The following ALS2 variants were observed in gnomAD, a reference collection of about 807,000 sequenced individuals.
ALS2 encodes the protein alsin Rho guanine nucleotide exchange factor ALS2, also known as alsin.
ALS2 carries 117 observed loss-of-function variants against 203.4 expected under a neutral mutation model. The observed-to-expected ratio is 0.58, with a 90% confidence interval of 0.50 to 0.67. The LOEUF (loss-of-function observed/expected upper bound fraction) is 0.67. Among genes scored for constraint, ALS2 ranks in the 30% least tolerant of loss-of-function variants. The pLI, the probability that ALS2 is intolerant of heterozygous loss-of-function variation, is 0.00. For missense variants in ALS2, 1,715 were observed against 1,989.4 expected (o/e 0.86, Z 2.62); for synonymous variants, 718 against 725.9 (o/e 0.99, Z 0.17).
intron 8 of ALS2, among the ~76,000 whole-genome samples, chr2:201,747,977 G>A (rs571386275): frequency 5.9e-5 from 9 of 152,220 alleles, no homozygotes; most frequent in African/African-American, 1.7e-4. Flanking sequence ...ATTTCATTTG[G>A]AGAAAGTGTG....
At chr2:201,742,081 G>A (rs141156833) in intron 10 of ALS2, among the ~76,000 whole-genome samples, 2 of 152,040 alleles carry the variant, frequency 1.3e-5, no homozygotes, top group African/African-American at 4.8e-5. Flanking sequence ...TAGATTCCAG[G>A]ATGGCTTTTT....
rs150537603 is a variant in ALS2, at chr2:201,724,073, G to C, written c.3512+222C>G. Among the ~76,000 whole-genome samples the C allele has an allele frequency of 2.4e-4, 37 of 152,106 alleles. No homozygotes were observed. In the East Asian group the frequency reaches 6.4e-3, roughly 26 times the overall value. On this transcript the variant is annotated intron_variant, in intron 21 of 33. Coordinates refer to ENST00000264276, the MANE Select transcript of ALS2 (RefSeq NM_020919.4). ...GCAGAGATTGCAGTGAGCTGAGATC[G>C]CACCACTCCAGCCTGGGTGACAGAG... is the stretch of plus-strand genomic sequence containing the variant.
chr2:201,742,630 G>C (rs1209221818), intron 10 of ALS2, among the ~76,000 whole-genome samples: 1 of 152,116 alleles, frequency 6.6e-6, no homozygotes. Flanking sequence ...CCTAGAGGAG[G>C]GGAATTTATA....
intron 23 of ALS2, chr2:201,722,819 GA>G (rs1690893153): frequency 1.6e-5 from 9 of 552,436 alleles, no homozygotes; most frequent in South Asian, 1.6e-4. Context: ...ACTTTAGGTG[GA>G]AATGGAAGTC....
chr2:201,770,890 A>G (rs1694344144), intron 1 of ALS2, among the ~76,000 whole-genome samples: 1 of 152,202 alleles, frequency 6.6e-6, no homozygotes, highest in Non-Finnish European at 1.5e-5. Context: ...TTTAGTCTAC[A>G]AGACCTGTGA....
intron 1 of ALS2, among the ~76,000 whole-genome samples, chr2:201,771,168 T>A (rs1272606198): frequency 6.7e-6 from 1 of 150,372 alleles, no homozygotes; most frequent in Non-Finnish European, 1.5e-5. Context: ...TGCCTCAGCC[T>A]CCCGAGTAGC....
chr2:201,780,915 G>C lies in ALS2; in HGVS notation c.-99C>G, dbSNP rs1047871413. ...GGCAGCACCGCGCTCCGCATCCGGC[G>C]CGAGCTTGGCAACCCAGTGGGTCCG... On this transcript the variant is annotated 5_prime_UTR_variant, in exon 1 of 34. Transcript: ENST00000264276. The C allele has an allele frequency of 6.6e-6, 1 of 152,666 alleles. No individual in the cohort carries two copies. The highest frequency in any genetic ancestry group is 1.5e-5 in the Non-Finnish European group (1 of 68,122). 9.5% of individuals were successfully genotyped at this position (152,666 alleles called of 1,614,324 possible). A position where few individuals can be genotyped will look rare whatever the true frequency, so the allele number is the denominator to read the frequency against.
intron 12 of ALS2, 85 bp from the exon 13 acceptor site, chr2:201,733,523 C>T (rs1477747805): frequency 4.9e-6 from 6 of 1,226,054 alleles, no homozygotes; most frequent in African/African-American, 1.5e-5. Context: ...CTAGAAAGTA[C>T]CTCTTTCAGA....
At chr2:201,778,243 G>A (rs1366525546) in intron 1 of ALS2, among the ~76,000 whole-genome samples, 1 of 152,104 alleles carries the variant, frequency 6.6e-6, no homozygotes, top group African/African-American at 2.4e-5. Flanking sequence ...AACATGAGAT[G>A]ATCAATTTGT....
intron 10 of ALS2, among the ~76,000 whole-genome samples, chr2:201,742,460 C>T (rs916519011): frequency 1.3e-5 from 2 of 152,196 alleles, no homozygotes; most frequent in African/African-American, 4.8e-5. Flanking sequence ...TCTAGGACTT[C>T]TTTCCAAGCA....
chr2:201,761,670 G>A lies in ALS2; in HGVS notation c.324C>T (p.Asp108=). ...CTCCCCACATGTACGCGACACCATT[G>A]TCTGTCACTGCTCCACTATGGAAGC... ...TGSFHSGAVT[D]NGVAYMWGEN... is the part of the protein sequence containing the mutation. The change falls in exon 4 of 34, where the codon GAC becomes GAT. Residue 108 remains aspartate, a synonymous_variant. Coordinates refer to ENST00000264276, the MANE Select transcript of ALS2 (RefSeq NM_020919.4). 1.2e-6 allele frequency: 2 copies of A among 1,614,156 alleles called. No individual in the cohort carries two copies. The highest frequency in any genetic ancestry group is 1.7e-6 in the Non-Finnish European group (2 of 1,180,030).
chr2:201,708,085 T>G, intron 27 of ALS2, 94 bp from the exon 28 acceptor site: 1 of 1,182,332 alleles, frequency 8.5e-7, no homozygotes, highest in East Asian at 2.6e-5. Context: ...AGAGCAAGCT[T>G]TATTATCAAC....
In ALS2 at chr2:201,754,471, A is replaced by G. The variant is rs528482198; in HGVS notation, c.1640+32T>C. ...AGGAGAGAGATTATTTGTTTAAGCC[A>G]ACTTCTATCGGTAAATGTTGGTAGC... is the stretch of plus-strand genomic sequence containing the variant. On this transcript the variant is annotated intron_variant, in intron 6 of 33. Coordinates refer to ENST00000264276, the MANE Select transcript of ALS2 (RefSeq NM_020919.4). The G allele has an allele frequency of 5.6e-6, 9 of 1,613,898 alleles. No homozygotes were observed. In the South Asian group the frequency reaches 9.9e-5, roughly 18 times the overall value.
At chr2:201,767,112 A>C in intron 3 of ALS2, 117 bp downstream of exon 3, 5 of 1,208,136 alleles carry the variant, frequency 4.1e-6, no homozygotes, top group Non-Finnish European at 4.6e-6. Flanking sequence ...ATTTAAAAAA[A>C]AAAGAAAGAA....
At chr2:201,729,798 G>A (rs1425877313) in intron 13 of ALS2, among the ~76,000 whole-genome samples, 6 of 150,116 alleles carry the variant, frequency 4.0e-5, no homozygotes, top group South Asian at 2.1e-4. Context: ...GGAGAATGGC[G>A]TGAACCCGGG....
intron 24 of ALS2, among the ~76,000 whole-genome samples, chr2:201,717,406 C>T (rs1690472954): frequency 6.6e-6 from 1 of 150,750 alleles, no homozygotes; most frequent in South Asian, 2.1e-4. Flanking sequence ...ACAGACACTG[C>T]AGTGAGCCAA....
In ALS2 at chr2:201,729,054, T is replaced by A. The variant is rs764566405; in HGVS notation, c.2710A>T (p.Thr904Ser). 1.9e-6 allele frequency: 3 copies of A among 1,614,178 alleles called. No individual in the cohort carries two copies. The highest frequency in any genetic ancestry group is 1.7e-6 in the Non-Finnish European group (2 of 1,180,010). The change falls in exon 14 of 34, where the codon ACG becomes TCG. Residue 904 changes from threonine to serine, a missense_variant and splice_region_variant. By Grantham distance (58) the Thr-to-Ser change is moderately conservative. Coordinates refer to ENST00000264276, the MANE Select transcript of ALS2 (RefSeq NM_020919.4). ...AAATGACAACTGGCATGGCTTACCG[T>A]CATTTTTCCGGGGAAGGTCTTCCAG... ...GFWKTFPGKM[T>S]DSLRKPERRL...
At chr2:201,713,180 A>C (rs1353422433) in intron 25 of ALS2, among the ~76,000 whole-genome samples, 1 of 96,768 alleles carries the variant, frequency 1.0e-5, no homozygotes, top group African/African-American at 4.1e-5. Context: ...ATTTTTGCCC[A>C]GGCTGGAGTG....
intron 1 of ALS2, among the ~76,000 whole-genome samples, chr2:201,780,632 G>A (rs1343713155): frequency 6.6e-6 from 1 of 152,220 alleles, no homozygotes; most frequent in Non-Finnish European, 1.5e-5. Context: ...AGAGACCGGG[G>A]CAAGTGGGAG....
Sources: gnomAD v4.1 joint callset for allele counts (sites outside exome capture counted in the v4.1 genomes callset) on GRCh38, gnomAD v4.1.1 for gene constraint, MANE v1.5 for transcripts, NCBI Gene and HGNC (gene_info 2026-07-23, HGNC 2026-07-21) for gene names.